The following RAPH1 variants were observed in gnomAD, a reference collection of about 807,000 sequenced individuals.
RAPH1 encodes ras-associated and pleckstrin homology domains-containing protein 1.
A neutral mutation model predicts 88.1 loss-of-function variants in RAPH1; 18 were observed. That is an observed-to-expected ratio of 0.20 (90% confidence interval 0.14 to 0.30). The LOEUF is 0.30. Among genes scored for constraint, RAPH1 ranks in the 10% least tolerant of loss-of-function variants. The pLI, the probability that RAPH1 is intolerant of heterozygous loss-of-function variation, is 1.00. For missense variants in RAPH1, 1,448 were observed against 1,543.2 expected (o/e 0.94, Z 1.03); for synonymous variants, 587 against 559.0 (o/e 1.05, Z -0.71).
chr2:203,506,771 T>TAG (rs1491101024), intron 1 of RAPH1, among the ~76,000 whole-genome samples: 4 of 127,948 alleles, frequency 3.1e-5, no homozygotes, highest in African/African-American at 1.3e-4. Flanking sequence ...TATATATATC[T>TAG]ATATATATCT....
intron 4 of RAPH1, among the ~76,000 whole-genome samples, chr2:203,488,154 C>G (rs111520737): frequency 1.8e-3 from 274 of 152,298 alleles, no homozygotes; most frequent in African/African-American, 6.2e-3. Context: ...AATTCTCTTT[C>G]ACCAAACTCA....
At chr2:203,463,691 A>C (rs2098526072) in intron 4 of RAPH1, among the ~76,000 whole-genome samples, 1 of 152,222 alleles carries the variant, frequency 6.6e-6, no homozygotes, top group Non-Finnish European at 1.5e-5. Context: ...CTAAGACGAG[A>C]CTGAATTCTT....
rs2098499857 is a variant in RAPH1 at position 203,438,013 on chromosome 2, C to T, written c.*1424G>A. 5.4e-6 allele frequency: 2 copies of T among 368,656 alleles called. No individual in the cohort carries two copies. Among genetic ancestry groups the T allele is most frequent in the Non-Finnish European group, 1.1e-5 (2 of 185,688 alleles). 22.8% of individuals were successfully genotyped at this position (368,656 alleles called of 1,614,324 possible). On this transcript the variant is annotated 3_prime_UTR_variant, in exon 14 of 14. Coordinates refer to ENST00000319170, the MANE Select transcript of RAPH1 (RefSeq NM_213589.3). Reference sequence around the variant, plus strand: ...TCTCTCATGTACCAAGGAAAATTCACAGAAAAAAGCATATAGAAGTATAGT... The same window carrying T: ...TCTCTCATGTACCAAGGAAAATTCATAGAAAAAAGCATATAGAAGTATAGT...
In RAPH1 at chr2:203,439,467, G is replaced by A. The variant is rs2098501214; in HGVS notation, c.3723C>T (p.Asp1241=). The A allele has an allele frequency of 1.2e-6, 2 of 1,613,904 alleles. No individual in the cohort carries two copies. Among genetic ancestry groups the A allele is most frequent in the Non-Finnish European group, 1.7e-6 (2 of 1,179,956 alleles). Residue 1241 remains aspartate (D), a synonymous_variant, in exon 14 of 14, where the codon GAC becomes GAT. Coordinates refer to ENST00000319170, the MANE Select transcript of RAPH1 (RefSeq NM_213589.3). ...AGTCTCTGGAGAGCTTGGTGTTCTGGTCTCTTTTGGGGGGAGCAGGAGGGG... is the reference window on the plus strand; with the variant it reads ...AGTCTCTGGAGAGCTTGGTGTTCTGATCTCTTTTGGGGGGAGCAGGAGGGG... The part of the protein sequence containing the change: ...RGPPPAPPKR[D]QNTKLSRDW
Position 203,457,899 on chromosome 2 carries a change from T to C in RAPH1, c.1093-304A>G, listed in dbSNP as rs79843095. Among the ~76,000 whole-genome samples the C allele has an allele frequency of 1.2e-4, 18 of 152,332 alleles. No homozygotes were observed. In the East Asian group the frequency reaches 3.5e-3, roughly 29 times the overall value. ...GGCAAATATGTTTTGGGATATCTAATGAAAGCTACGTTAGAGGATCTGAAA... is the reference window on the plus strand; with the variant it reads ...GGCAAATATGTTTTGGGATATCTAACGAAAGCTACGTTAGAGGATCTGAAA... On this transcript the variant is annotated intron_variant, in intron 7 of 13. Coordinates refer to ENST00000319170, the MANE Select transcript of RAPH1 (RefSeq NM_213589.3).
chr2:203,507,893 G>T (rs558228033), intron 1 of RAPH1, among the ~76,000 whole-genome samples: 47 of 152,186 alleles, frequency 3.1e-4, no homozygotes, highest in South Asian at 2.1e-3. Flanking sequence ...TTGCAGTGAC[G>T]TAAGAGAACA....
chr2:203,508,278 C>T (rs1020439303), intron 1 of RAPH1, among the ~76,000 whole-genome samples: 3 of 150,374 alleles, frequency 2.0e-5, no homozygotes, highest in African/African-American at 7.3e-5. Context: ...GGGTTACAGG[C>T]ATGCACCACC....
intron 4 of RAPH1, among the ~76,000 whole-genome samples, chr2:203,483,118 C>T (rs1254466080): frequency 6.6e-6 from 1 of 152,084 alleles, no homozygotes; most frequent in Non-Finnish European, 1.5e-5. Context: ...TCAGGCAAGG[C>T]TTTATAGGCA....
intron 1 of RAPH1, among the ~76,000 whole-genome samples, chr2:203,531,097 C>G (rs1229102305): frequency 6.6e-6 from 1 of 152,018 alleles, no homozygotes; most frequent in Non-Finnish European, 1.5e-5. Context: ...GGATCAAAGA[C>G]CTAAACATAA....
intron 1 of RAPH1, among the ~76,000 whole-genome samples, chr2:203,502,153 G>C (rs969511452): frequency 6.6e-6 from 1 of 152,202 alleles, no homozygotes; most frequent in African/African-American, 2.4e-5. Context: ...AGCTACCAGG[G>C]AACTTGCATG....
chr2:203,525,657 A>G (rs1690080694), intron 1 of RAPH1, among the ~76,000 whole-genome samples: 1 of 152,072 alleles, frequency 6.6e-6, no homozygotes, highest in African/African-American at 2.4e-5. Context: ...CACACCTGTA[A>G]TCCCAGTTAC....
intron 1 of RAPH1, among the ~76,000 whole-genome samples, chr2:203,500,519 T>G (rs1251986096): frequency 6.6e-6 from 1 of 152,206 alleles, no homozygotes; most frequent in African/African-American, 2.4e-5. Context: ...GGTTTGTTGA[T>G]GACCTGCATC....
rs116196829 is a variant in RAPH1, at chr2:203,477,876, C to T, written c.732+11708G>A. On this transcript the variant is annotated intron_variant, in intron 4 of 13. Transcript: ENST00000319170. ...CTCCTCTTGTTAAACTGTTTCTCCT[C>T]TCCACTGCCAAATTCCCTTAATTCA... is the stretch of plus-strand genomic sequence containing the variant. Among the ~76,000 whole-genome samples, 315 of 152,218 alleles carry T rather than the reference C, an allele frequency of 2.1e-3. 3 individuals are homozygous for T. The highest frequency in any genetic ancestry group is 6.6e-3 in the African/African-American group (276 of 41,518).
At position 203,441,516 on chromosome 2, in the gene RAPH1, G is replaced by A. The variant is rs2098504126; in HGVS notation, c.1777-103C>T. On this transcript the variant is annotated intron_variant, in intron 13 of 13. Transcript: ENST00000319170. ...TGTAAAACTAAAAAGCAGGGAGTCTGGGACATGCATGAAAAGGATGCAGAA... is the reference window on the plus strand; with the variant it reads ...TGTAAAACTAAAAAGCAGGGAGTCTAGGACATGCATGAAAAGGATGCAGAA... The A allele has an allele frequency of 7.0e-6, 10 of 1,419,198 alleles. No homozygotes were observed. The South Asian group carries it at 1.5e-4, about 21-fold the overall frequency. The allele number at this position is 1,419,198 out of a possible 1,614,324, so 87.9% of individuals were successfully genotyped here. A position where few individuals can be genotyped will look rare whatever the true frequency, so the allele number is the denominator to read the frequency against.
At chr2:203,452,264 A>G (rs982593208) in intron 10 of RAPH1, among the ~76,000 whole-genome samples, 5 of 152,210 alleles carry the variant, frequency 3.3e-5, no homozygotes, top group Admixed American at 6.5e-5. Flanking sequence ...GACTAAGTTA[A>G]AAGACACTTG....
At position 203,521,072 on chromosome 2, in the gene RAPH1, G is replaced by C. The variant is rs145276378; in HGVS notation, c.-1+14039C>G. Among the ~76,000 whole-genome samples the C allele has an allele frequency of 1.8e-3, 267 of 152,192 alleles. 1 individual carries two copies. The highest frequency in any genetic ancestry group is 3.3e-3 in the Non-Finnish European group (226 of 68,014). ...GTTTTGGGGTTTTTGTTTTGTTTTT[G>C]AGACGGAGTCTTGCTCTGTTGCCCA... is the stretch of plus-strand genomic sequence containing the variant. On this transcript the variant is annotated intron_variant, in intron 1 of 13. Coordinates refer to ENST00000319170, the MANE Select transcript of RAPH1 (RefSeq NM_213589.3).
chr2:203,516,467 T>C (rs1689610715), intron 1 of RAPH1, among the ~76,000 whole-genome samples: 1 of 152,216 alleles, frequency 6.6e-6, no homozygotes, highest in Non-Finnish European at 1.5e-5. Context: ...AGATTTTTGT[T>C]GGCGGGGCGT....
At chr2:203,453,793 A>AT (rs970274114) in intron 10 of RAPH1, among the ~76,000 whole-genome samples, 1 of 152,084 alleles carries the variant, frequency 6.6e-6, no homozygotes, top group African/African-American at 2.4e-5. Flanking sequence ...ATTTTCTTGA[A>AT]TTTTTGTATG....
chr2:203,454,816 G>A (rs2153638955), intron 9 of RAPH1, among the ~76,000 whole-genome samples: 1 of 152,172 alleles, frequency 6.6e-6, no homozygotes, highest in East Asian at 1.9e-4. Context: ...TATTAATATA[G>A]TCTAGTACAT....
Sources: gnomAD v4.1 joint callset for allele counts (sites outside exome capture counted in the v4.1 genomes callset) on GRCh38, gnomAD v4.1.1 for gene constraint, MANE v1.5 for transcripts, NCBI Gene and HGNC (gene_info 2026-07-23, HGNC 2026-07-21) for gene names.